The following WDR72 variants were observed in gnomAD, a reference collection of about 807,000 sequenced individuals.
The protein encoded by WDR72 is WD repeat-containing protein 72.
In WDR72, 120 loss-of-function variants were observed where a neutral mutation model predicts 124.2. That is an observed-to-expected ratio of 0.97 (90% CI 0.83 to 1.12). WDR72 has a LOEUF of 1.12. Ranked by LOEUF, WDR72 falls within the 50% of genes most tolerant of loss-of-function variation. The probability of loss-of-function intolerance (pLI) is 0.00; values close to 1 mark genes in which losing one functional copy is unlikely to be tolerated. For missense variants in WDR72, 1,387 were observed against 1,278.8 expected (o/e 1.08, Z -1.29); for synonymous variants, 452 against 441.7 (o/e 1.02, Z -0.29).
chr15:53,756,548 T>G (rs556388176), intron 1 of WDR72: 1 of 152,262 alleles, frequency 6.6e-6, no homozygotes, highest in South Asian at 2.1e-4. Context: ...GCTTATTGTT[T>G]TAAACACTTA....
rs532551262 is a variant in WDR72, at chr15:53,585,001, T to C, written c.3148+12078A>G. ...GCAGGGTTGCGTAAATTGTGAACTT[T>C]AATATCTCATTCACCTCCCCTAAAA... On this transcript the variant is annotated intron_variant, in intron 18 of 19. Transcript: ENST00000360509. Among the ~76,000 whole-genome samples, 15 of 152,076 alleles carry C rather than the reference T, an allele frequency of 9.9e-5. No individual in the cohort carries two copies. The South Asian group carries it at 1.9e-3, about 19-fold the overall frequency.
At chr15:53,727,740 C>A (rs1440849464) in intron 2 of WDR72, among the ~76,000 whole-genome samples, 1 of 152,190 alleles carries the variant, frequency 6.6e-6, no homozygotes, top group Non-Finnish European at 1.5e-5. Context: ...AATATCAGAA[C>A]AGAACATCAT....
intron 1 of WDR72, among the ~76,000 whole-genome samples, chr15:53,740,674 C>T (rs916939445): frequency 1.3e-5 from 2 of 152,192 alleles, no homozygotes; most frequent in Admixed American, 1.3e-4. Context: ...CCTACAATGC[C>T]TGAAGAACAG....
At chr15:53,755,707 T>A (rs2018884014) in intron 1 of WDR72, among the ~76,000 whole-genome samples, 2 of 152,166 alleles carry the variant, frequency 1.3e-5, no homozygotes, top group African/African-American at 4.8e-5. Context: ...GGGCCTCCAT[T>A]ACCGCAGAAA....
At chr15:53,662,130 C>T (rs538126464) in intron 14 of WDR72, among the ~76,000 whole-genome samples, 1 of 152,216 alleles carries the variant, frequency 6.6e-6, no homozygotes, top group African/African-American at 2.4e-5. Flanking sequence ...TAAATTCCTT[C>T]CATTGCAATT....
intron 13 of WDR72, among the ~76,000 whole-genome samples, chr15:53,694,620 G>A (rs1869425830): frequency 6.6e-6 from 1 of 152,156 alleles, no homozygotes; most frequent in African/African-American, 2.4e-5. Context: ...TGCAAGAGGT[G>A]TTTGCATTGC....
At chr15:53,602,212 A>T (rs368316729) in intron 17 of WDR72, among the ~76,000 whole-genome samples, 1 of 152,192 alleles carries the variant, frequency 6.6e-6, no homozygotes, top group African/African-American at 2.4e-5. Context: ...TTACATGGAA[A>T]TTGAATAACC....
intron 18 of WDR72, among the ~76,000 whole-genome samples, chr15:53,536,113 G>A (rs1021898158): frequency 2.6e-5 from 4 of 152,114 alleles, no homozygotes; most frequent in African/African-American, 9.7e-5. Flanking sequence ...TGCTTGACTG[G>A]TCAGAGCAGC....
chr15:53,738,126 A>G (rs2018408263), intron 1 of WDR72, among the ~76,000 whole-genome samples: 1 of 152,208 alleles, frequency 6.6e-6, no homozygotes, highest in Non-Finnish European at 1.5e-5. Context: ...GATGTAGTTA[A>G]GACTCAAAAG....
intron 18 of WDR72, among the ~76,000 whole-genome samples, chr15:53,591,729 C>CAG (rs983782909): frequency 2.6e-4 from 39 of 151,030 alleles, no homozygotes; most frequent in East Asian, 1.4e-3. Flanking sequence ...CACACACACA[C>CAG]ATATATACCT....
intron 1 of WDR72, among the ~76,000 whole-genome samples, chr15:53,736,489 G>T (rs1191447927): frequency 6.6e-6 from 1 of 152,214 alleles, no homozygotes; most frequent in African/African-American, 2.4e-5. Context: ...GCCTAACAGG[G>T]GTGAGGACAG....
At position 53,517,440 on chromosome 15, in the gene WDR72, T is replaced by A. The variant is rs1891524893; in HGVS notation, c.*259A>T. 2.3e-6 allele frequency: 1 copy of A among 437,014 alleles called. No individual in the cohort carries two copies. Among genetic ancestry groups the A allele is most frequent in the Non-Finnish European group, 4.2e-6 (1 of 237,838 alleles). 27.1% of individuals were successfully genotyped at this position (437,014 alleles called of 1,614,324 possible). On this transcript the variant is annotated 3_prime_UTR_variant, in exon 20 of 20. Coordinates refer to ENST00000360509, the MANE Select transcript of WDR72 (RefSeq NM_182758.4). ...CTGTTGGAAATATTAACAGAAAAAG[T>A]AAGAAACAGGAATAGAGAATGATCT...
chr15:53,618,119 G>A (rs908140785), intron 14 of WDR72, among the ~76,000 whole-genome samples: 5 of 151,998 alleles, frequency 3.3e-5, no homozygotes, highest in East Asian at 1.9e-4. Context: ...CCTCCATTTG[G>A]ACTAAAAAGT....
At chr15:53,674,280 G>C (rs1200938895) in intron 13 of WDR72, among the ~76,000 whole-genome samples, 1 of 152,068 alleles carries the variant, frequency 6.6e-6, no homozygotes. Context: ...TAAAAGTCAG[G>C]TTTCAACAAA....
intron 14 of WDR72, among the ~76,000 whole-genome samples, chr15:53,639,510 A>G (rs1420477894): frequency 6.8e-6 from 1 of 147,084 alleles, no homozygotes; most frequent in African/African-American, 2.5e-5. Context: ...ATAAAATTAT[A>G]TATAATTTTA....
intron 2 of WDR72, among the ~76,000 whole-genome samples, chr15:53,727,795 A>G (rs1371963107): frequency 6.6e-6 from 1 of 152,204 alleles, no homozygotes; most frequent in Non-Finnish European, 1.5e-5. Context: ...ATCCCCACAT[A>G]TATTTGAATA....
At chr15:53,599,381 T>C (rs1432769380) in intron 17 of WDR72, among the ~76,000 whole-genome samples, 2 of 152,152 alleles carry the variant, frequency 1.3e-5, no homozygotes, top group Non-Finnish European at 2.9e-5. Context: ...GGATTATAAG[T>C]GAAAACGTTT....
At chr15:53,702,641 G>A (rs1042688923) in intron 11 of WDR72, among the ~76,000 whole-genome samples, 6 of 152,112 alleles carry the variant, frequency 3.9e-5, no homozygotes, top group Non-Finnish European at 8.8e-5. Context: ...GGGAGGCCAG[G>A]ATGGGCAGAT....
At chr15:53,734,167 C>A (rs2018283509) in intron 1 of WDR72, among the ~76,000 whole-genome samples, 1 of 152,056 alleles carries the variant, frequency 6.6e-6, no homozygotes, top group South Asian at 2.1e-4. Context: ...CACACACACA[C>A]AAATATATAC....
Sources: gnomAD v4.1 joint callset for allele counts (sites outside exome capture counted in the v4.1 genomes callset) on GRCh38, gnomAD v4.1.1 for gene constraint, MANE v1.5 for transcripts, NCBI Gene and HGNC (gene_info 2026-07-23, HGNC 2026-07-21) for gene names.